Variants in TBC1D10A observed in about 807,000 individuals in gnomAD.
TBC1D10A encodes the protein TBC1 domain family member 10A, also known as EBP50-PDX interactor of 64 kDa.
Under a neutral mutation model 52.9 loss-of-function variants are expected in TBC1D10A, and 24 were observed. The ratio of observed to expected loss-of-function variants is 0.45; its 90% CI spans 0.33 to 0.64. TBC1D10A has a LOEUF of 0.64. TBC1D10A is among the 30% of genes least tolerant of loss of function. TBC1D10A has a pLI of 0.02. For synonymous variants in TBC1D10A, 278 were observed against 282.9 expected (o/e 0.98, Z 0.17); for missense variants, 602 against 687.9 (o/e 0.88, Z 1.40).
intron 1 of TBC1D10A, among the ~76,000 whole-genome samples, chr22:30,326,416 G>A (rs1454869320): frequency 6.6e-6 from 1 of 151,780 alleles, no homozygotes; most frequent in Non-Finnish European, 1.5e-5. Flanking sequence ...TCCTTCCTGG[G>A]AGCGGGTCAG....
At chr22:30,320,131 T>C (rs921044530) in intron 1 of TBC1D10A, among the ~76,000 whole-genome samples, 1 of 152,192 alleles carries the variant, frequency 6.6e-6, no homozygotes, top group Non-Finnish European at 1.5e-5. Context: ...GTAACACTTC[T>C]TCCAAAAGGC....
At chr22:30,309,632 G>A (rs1445202369) in intron 1 of TBC1D10A, among the ~76,000 whole-genome samples, 1 of 152,228 alleles carries the variant, frequency 6.6e-6, no homozygotes, top group Non-Finnish European at 1.5e-5. Flanking sequence ...GACTGGAACA[G>A]GCTTAGCCAT....
chr22:30,293,816 G>A lies in TBC1D10A; in HGVS notation c.896-11C>T. The A allele has an allele frequency of 1.2e-6, 2 of 1,606,848 alleles. No individual in the cohort carries two copies. The highest frequency in any genetic ancestry group is 1.7e-6 in the Non-Finnish European group (2 of 1,174,452). ...AGATGATCTTGACCCCTGCATGGGG[G>A]ATGGGCAGTAAGTACAAGGAAGCTT... On this transcript the variant is annotated splice_polypyrimidine_tract_variant and intron_variant, in intron 7 of 8. Coordinates refer to ENST00000215790, the MANE Select transcript of TBC1D10A (RefSeq NM_031937.3).
intron 1 of TBC1D10A, among the ~76,000 whole-genome samples, chr22:30,316,558 T>C (rs968720009): frequency 6.6e-6 from 1 of 151,868 alleles, no homozygotes; most frequent in African/African-American, 2.4e-5. Flanking sequence ...GCTCAAGTGA[T>C]CCTCCTACCT....
chr22:30,302,741 C>T (rs1471000625), intron 2 of TBC1D10A, among the ~76,000 whole-genome samples: 1 of 152,340 alleles, frequency 6.6e-6, no homozygotes, highest in East Asian at 1.9e-4. Context: ...GCTCTAACCA[C>T]AGTGCCAGGA....
intron 1 of TBC1D10A, among the ~76,000 whole-genome samples, chr22:30,309,133 A>T (rs1601676021): frequency 6.6e-6 from 1 of 152,146 alleles, no homozygotes; most frequent in African/African-American, 2.4e-5. Context: ...TGACTGCCCC[A>T]GTGAGTGGCC....
At position 30,326,775 on chromosome 22, in the gene TBC1D10A, T is replaced by A; in HGVS notation, c.107A>T (p.Asp36Val). ...LAQGPDAATT[D>V]ELSSLGSDSE... ...GTCAGACCCGAGAGAGCTGAGTTCG[T>A]CGGTGGTTGCGGCGTCGGGGCCCTG... Residue 36 changes from aspartate (D) to valine (V), a missense_variant, in exon 1 of 9, where the codon GAC (aspartate) becomes GTC (valine). Physicochemically the swap from Asp to Val is radical, Grantham distance 152 (BLOSUM62 -3). Transcript: ENST00000215790. 1 of 1,508,952 alleles carries A rather than the reference T, an allele frequency of 6.6e-7. No homozygotes were observed. Among genetic ancestry groups the A allele is most frequent in the Non-Finnish European group, 8.9e-7 (1 of 1,126,244 alleles). The allele number at this position is 1,508,952 out of a possible 1,614,324, so 93.5% of individuals were successfully genotyped here. A position where few individuals can be genotyped will look rare whatever the true frequency, so the allele number is the denominator to read the frequency against.
intron 1 of TBC1D10A, among the ~76,000 whole-genome samples, chr22:30,313,550 ATTTTTTTTTTTTTTT>A (rs35640957): frequency 4.5e-4 from 19 of 42,210 alleles, no homozygotes; most frequent in African/African-American, 2.1e-3. Flanking sequence ...CGGCCAGCTA[ATTTTTTTTTTTTTTT>A]TTTTTTTTTT....
intron 2 of TBC1D10A, among the ~76,000 whole-genome samples, chr22:30,301,669 G>C (rs1025933806): frequency 6.6e-6 from 1 of 152,198 alleles, no homozygotes; most frequent in African/African-American, 2.4e-5. Context: ...TCAGAGGAGG[G>C]AGTACAGAAG....
At chr22:30,319,689 G>A (rs1366245980) in intron 1 of TBC1D10A, among the ~76,000 whole-genome samples, 1 of 152,168 alleles carries the variant, frequency 6.6e-6, no homozygotes, top group Non-Finnish European at 1.5e-5. Flanking sequence ...CTTCTAAGCT[G>A]GTTAAGTATC....
chr22:30,299,802 AC>A, intron 2 of TBC1D10A: 1 of 321,076 alleles, frequency 3.1e-6, no homozygotes, highest in Non-Finnish European at 5.9e-6. Context: ...CCCCGTGTCT[AC>A]TAAAAATACA....
At chr22:30,316,486 T>C (rs1395366041) in intron 1 of TBC1D10A, among the ~76,000 whole-genome samples, 1 of 151,304 alleles carries the variant, frequency 6.6e-6, no homozygotes. Flanking sequence ...AGATAGGGTC[T>C]CCATTGCCCA....
rs1259375672 is a variant in TBC1D10A at position 30,292,717 on chromosome 22, A to G, written c.1185T>C (p.Asp395=). The change falls in exon 9 of 9, where the codon GAT becomes GAC. Residue 395 remains aspartate, a synonymous_variant. Coordinates refer to ENST00000215790, the MANE Select transcript of TBC1D10A (RefSeq NM_031937.3). Reference sequence around the variant, plus strand: ...GGGCAGGCCGGGGACCAGGTTCTGCATCCAAGATAGCCTTGGCACCATGCA... The same window carrying G: ...GGGCAGGCCGGGGACCAGGTTCTGCGTCCAAGATAGCCTTGGCACCATGCA... ...PRLHGAKAIL[D]AEPGPRPALQ... 6.2e-7 allele frequency: 1 copy of G among 1,609,924 alleles called. No homozygotes were observed. Among genetic ancestry groups the G allele is most frequent in the Admixed American group, 1.7e-5 (1 of 59,798 alleles).
chr22:30,292,405 C>A lies in TBC1D10A; in HGVS notation c.1497G>T (p.Thr499=). 1 of 1,573,324 alleles carries A rather than the reference C, an allele frequency of 6.4e-7. No individual in the cohort carries two copies. The change falls in exon 9 of 9, where the codon ACG becomes ACT. Residue 499 remains threonine, a synonymous_variant. Coordinates refer to ENST00000215790, the MANE Select transcript of TBC1D10A (RefSeq NM_031937.3). ...SAHHRSQESL[T]SQESEDTYL is the part of the protein sequence containing the mutation. ...AGTAGGTGTCCTCACTCTCTTGGGA[C>A]GTCAAGCTCTCCTGGGAGCGGTGGT...
At chr22:30,316,856 T>C (rs1275061470) in intron 1 of TBC1D10A, among the ~76,000 whole-genome samples, 1 of 151,956 alleles carries the variant, frequency 6.6e-6, no homozygotes, top group Non-Finnish European at 1.5e-5. Flanking sequence ...CTGGGCAACA[T>C]AGTGAGACTC....
chr22:30,318,843 G>A (rs113189465), intron 1 of TBC1D10A: 1 of 395,372 alleles, frequency 2.5e-6, no homozygotes, highest in South Asian at 1.9e-5. Context: ...GCCAGACCTG[G>A]ACTAACTTTT....
chr22:30,311,313 A>C, intron 1 of TBC1D10A, among the ~76,000 whole-genome samples: 1 of 152,218 alleles, frequency 6.6e-6, no homozygotes, highest in South Asian at 2.1e-4. Context: ...CCAGAAGGTA[A>C]GCGGTCTGCC....
At chr22:30,320,921 G>A (rs753588626) in intron 1 of TBC1D10A, among the ~76,000 whole-genome samples, 4 of 152,224 alleles carry the variant, frequency 2.6e-5, no homozygotes, top group Admixed American at 6.5e-5. Flanking sequence ...CTTGTGTGAG[G>A]AGGGAGCACA....
intron 1 of TBC1D10A, among the ~76,000 whole-genome samples, chr22:30,320,504 G>C (rs1175740073): frequency 6.6e-6 from 1 of 152,104 alleles, no homozygotes; most frequent in African/African-American, 2.4e-5. Flanking sequence ...CAAGAAACAG[G>C]TTCTAGTCCC....
Sources: gnomAD v4.1 joint callset for allele counts (sites outside exome capture counted in the v4.1 genomes callset) on GRCh38, gnomAD v4.1.1 for gene constraint, MANE v1.5 for transcripts, NCBI Gene and HGNC (gene_info 2026-07-23, HGNC 2026-07-21) for gene names.